Variants in BMPER observed in about 807,000 individuals in gnomAD.
BMPER encodes the protein BMP binding endothelial regulator.
Under a neutral mutation model 87.3 loss-of-function variants are expected in BMPER, and 45 were observed. The observed-to-expected ratio is 0.52, with a 90% CI of 0.41 to 0.66. The LOEUF (loss-of-function observed/expected upper bound fraction) is 0.66, where lower values mean the gene tolerates loss of function less well. Ranked by LOEUF, BMPER falls within the 30% of genes least tolerant of loss-of-function variation. The probability of loss-of-function intolerance (pLI) is 0.00; values close to 1 mark genes in which losing one functional copy is unlikely to be tolerated. For synonymous variants in BMPER, 326 were observed against 316.2 expected, an observed-to-expected ratio of 1.03 and a Z score of -0.33; for missense variants, 784 against 867.5, an observed-to-expected ratio of 0.90 and a Z score of 1.21.
At chr7:34,110,388 C>T (rs1789929390) in intron 13 of BMPER, among the ~76,000 whole-genome samples, 1 of 152,140 alleles carries the variant, frequency 6.6e-6, no homozygotes, top group Non-Finnish European at 1.5e-5. Context: ...AAAGTGGATG[C>T]ACAGGTTAGC....
intron 13 of BMPER, among the ~76,000 whole-genome samples, chr7:34,134,707 A>G (rs1013704363): frequency 6.6e-6 from 1 of 152,140 alleles, no homozygotes; most frequent in African/African-American, 2.4e-5. Flanking sequence ...CCGTTATTAG[A>G]TGGGCGAGAA....
intron 6 of BMPER, among the ~76,000 whole-genome samples, chr7:34,033,561 T>C (rs1787584624): frequency 6.6e-6 from 1 of 152,204 alleles, no homozygotes; most frequent in Non-Finnish European, 1.5e-5. Context: ...ACCATCAACT[T>C]TAAGTTAGGC....
At chr7:34,036,836 G>T (rs1051857865) in intron 6 of BMPER, among the ~76,000 whole-genome samples, 1 of 152,116 alleles carries the variant, frequency 6.6e-6, no homozygotes, top group African/African-American at 2.4e-5. Context: ...TGAGTGGAAA[G>T]CCTGAGTTGG....
Position 33,937,611 on chromosome 7 carries a change from A to C in BMPER, c.319+223A>C, listed in dbSNP as rs185465593. On this transcript the variant is annotated intron_variant, in intron 3 of 14. Transcript: ENST00000649409. ...GCTCTCCTGGAGGAGGGATGAAAGT[A>C]TGTGAGCATCTTCATATTTGGTTTG... 1.8e-3 allele frequency: 1,002 copies of C among 557,194 alleles called. 2 individuals carry two copies. Among genetic ancestry groups the C allele is most frequent in the Admixed American group, 2.9e-3 (96 of 32,978 alleles). 34.5% of individuals were successfully genotyped at this position (557,194 alleles called of 1,614,324 possible).
chr7:33,905,551 C>A lies in BMPER; in HGVS notation c.-63C>A. 6.3e-7 allele frequency: 1 copy of A among 1,596,588 alleles called. No individual in the cohort carries two copies. Reference sequence around the variant, plus strand: ...GAGAGCCCTTTTCGACTGTGAGCTGCGGCAGCTGAGCAGAGGCGGCGGCGC... The same window carrying A: ...GAGAGCCCTTTTCGACTGTGAGCTGAGGCAGCTGAGCAGAGGCGGCGGCGC... On this transcript the variant is annotated 5_prime_UTR_variant, in exon 1 of 15. Transcript: ENST00000649409.
intron 11 of BMPER, among the ~76,000 whole-genome samples, chr7:34,065,249 C>CTCTCTCTCCCTCT (rs1788555867): frequency 1.7e-5 from 1 of 58,492 alleles, no homozygotes; most frequent in Non-Finnish European, 3.9e-5. Flanking sequence ...TCTCTCTCTC[C>CTCTCTCTCCCTCT]CTCTCTCTCT....
At chr7:33,943,433 A>G (rs1430692765) in intron 3 of BMPER, among the ~76,000 whole-genome samples, 4 of 152,178 alleles carry the variant, frequency 2.6e-5, no homozygotes, top group African/African-American at 7.2e-5. Flanking sequence ...CATAGTATAG[A>G]TATAGAGTAA....
chr7:34,126,943 C>T (rs1371411706), intron 13 of BMPER, among the ~76,000 whole-genome samples: 5 of 152,166 alleles, frequency 3.3e-5, no homozygotes, highest in African/African-American at 1.2e-4. Context: ...CAGCAGACAG[C>T]CCAGAGGTAC....
chr7:34,028,283 ATT>A (rs901322559), intron 6 of BMPER, among the ~76,000 whole-genome samples: 2 of 151,872 alleles, frequency 1.3e-5, no homozygotes, highest in Non-Finnish European at 2.9e-5. Flanking sequence ...CTTCTCACTA[ATT>A]TTTTTTGTTT....
rs35451161 is a variant in BMPER, at chr7:33,928,639, CAAAAAAAAA to C, written c.220-8637_220-8629del. 5.7e-4 allele frequency among the ~76,000 whole-genome samples: 28 copies of C among 49,094 alleles called. 1 individual carries two copies. The South Asian group carries it at 0.029, about 52-fold the overall frequency. The allele number at this position is 49,094 out of a possible 152,430, so 32.2% of individuals were successfully genotyped here. A position where few individuals can be genotyped will look rare whatever the true frequency, so the allele number is the denominator to read the frequency against. On this transcript the variant is annotated intron_variant, in intron 2 of 14. Coordinates refer to ENST00000649409, the MANE Select transcript of BMPER (RefSeq NM_001365308.1). ...TGTTCCGTGAGTTTCTTGAAAAAGC[CAAAAAAAAA>C]AAAAAAAAAAAAGCCAGACCTAAAT...
intron 12 of BMPER, among the ~76,000 whole-genome samples, chr7:34,080,711 G>A (rs1438259212): frequency 1.3e-5 from 2 of 152,186 alleles, no homozygotes; most frequent in African/African-American, 4.8e-5. Context: ...CTATTTGCAA[G>A]CTAGCTGAAC....
chr7:34,143,397 T>C (rs1179048366), intron 14 of BMPER, 37 bp downstream of exon 14: 1 of 1,612,696 alleles, frequency 6.2e-7, no homozygotes, highest in Admixed American at 1.7e-5. Context: ...ATCAAAAGTT[T>C]ACTGCAATGC....
At chr7:33,916,819 C>G (rs898483598) in intron 2 of BMPER, among the ~76,000 whole-genome samples, 1 of 152,166 alleles carries the variant, frequency 6.6e-6, no homozygotes, top group Admixed American at 6.6e-5. Context: ...GGGAGTTAGA[C>G]TGGAGTTTCC....
Position 34,079,096 on chromosome 7 carries a change from T to G in BMPER, c.1318T>G (p.Trp440Gly), listed in dbSNP as rs757674154. 1 of 1,614,000 alleles carries G rather than the reference T, an allele frequency of 6.2e-7. No individual in the cohort carries two copies. Among genetic ancestry groups the G allele is most frequent in the South Asian group, 1.1e-5 (1 of 91,060 alleles). ...VSLQQHLTVR[W>G]NGSRIALPCR... ...CCTGCAGCAGCACCTCACCGTGCGC[T>G]GGAACGGCTCGCGCATCGCGCTCCC... Residue 440 changes from tryptophan to glycine, a missense_variant, in exon 12 of 15, where the codon TGG becomes GGG. By Grantham distance (184) the Trp-to-Gly change is radical. Transcript: ENST00000649409.
intron 6 of BMPER, among the ~76,000 whole-genome samples, chr7:34,018,440 T>C (rs1338091733): frequency 6.6e-6 from 1 of 151,974 alleles, no homozygotes; most frequent in Admixed American, 6.6e-5. Context: ...AAGGTGGACT[T>C]AGTTTTATAA....
At chr7:33,917,006 T>G (rs1784101948) in intron 2 of BMPER, among the ~76,000 whole-genome samples, 2 of 152,204 alleles carry the variant, frequency 1.3e-5, no homozygotes, top group Non-Finnish European at 1.5e-5. Flanking sequence ...GTAATCACAT[T>G]TGAAAATATA....
At chr7:34,082,639 C>T (rs562174709) in intron 12 of BMPER, among the ~76,000 whole-genome samples, 14 of 152,160 alleles carry the variant, frequency 9.2e-5, no homozygotes, top group Non-Finnish European at 8.8e-5. Flanking sequence ...ACTGGAAACA[C>T]GGCAGATCTG....
intron 6 of BMPER, among the ~76,000 whole-genome samples, chr7:34,028,538 A>T (rs1466162581): frequency 6.8e-6 from 1 of 146,714 alleles, no homozygotes. Context: ...TATACTTTTC[A>T]TATGTGATGG....
chr7:33,930,186 T>C (rs1784449100), intron 2 of BMPER, among the ~76,000 whole-genome samples: 1 of 152,182 alleles, frequency 6.6e-6, no homozygotes, highest in Admixed American at 6.5e-5. Context: ...GAAATGGTTT[T>C]CTTCATGTTG....
Sources: gnomAD v4.1 joint callset for allele counts (sites outside exome capture counted in the v4.1 genomes callset) on GRCh38, gnomAD v4.1.1 for gene constraint, MANE v1.5 for transcripts, NCBI Gene and HGNC (gene_info 2026-07-23, HGNC 2026-07-21) for gene names.